The following ZEB1 variants were observed in gnomAD, a reference collection of about 807,000 sequenced individuals.
ZEB1 encodes zinc finger E-box binding homeobox 1.
In ZEB1, 21 loss-of-function variants were observed where a neutral mutation model predicts 84.9. The observed-to-expected ratio is 0.25, with a 90% confidence interval of 0.18 to 0.36. The LOEUF (loss-of-function observed/expected upper bound fraction) is 0.36, where lower values mean the gene tolerates loss of function less well. ZEB1 is among the 10% of genes least tolerant of loss of function. The probability of loss-of-function intolerance (pLI) is 1.00; values close to 1 mark genes in which losing one functional copy is unlikely to be tolerated. For missense variants in ZEB1, 1,104 were observed against 1,330.2 expected (o/e 0.83, Z 2.65); for synonymous variants, 420 against 471.1 (o/e 0.89, Z 1.41).
Position 31,461,219 on chromosome 10 carries a change from A to T in ZEB1, c.241A>T (p.Asn81Tyr), listed in dbSNP as rs1301814565. 1.9e-6 allele frequency: 3 copies of T among 1,613,004 alleles called. No individual in the cohort carries two copies. The highest frequency in any genetic ancestry group is 2.5e-6 in the Non-Finnish European group (3 of 1,179,478). The change falls in exon 2 of 9, where the codon AAC (asparagine) becomes TAC (tyrosine). Residue 81 changes from asparagine (N) to tyrosine (Y), a missense_variant. Asn to Tyr is a moderately radical substitution (Grantham distance 143). This residue lies in a region of ZEB1 where 162 missense variants were observed against 184.5 expected (regional missense o/e 0.88). Transcript: ENST00000424869. ...RSSEREGNAK[N>Y]CWEDDTGKEG... ...CAGTGAAAGAGAAGGGAATGCTAAG[A>T]ACTGCTGGGAGGATGACAGTAAGTC...
chr10:31,389,754 TTTTCA>T, intron 1 of ZEB1: 1 of 152,164 alleles, frequency 6.6e-6, no homozygotes. Context: ...GCAAAATTAG[TTTTCA>T]TTACATTTTA....
At chr10:31,438,127 G>C (rs1008411376) in intron 1 of ZEB1, among the ~76,000 whole-genome samples, 1 of 152,164 alleles carries the variant, frequency 6.6e-6, no homozygotes. Flanking sequence ...AAGTGAAAGC[G>C]TGCGCTCTCC....
intron 1 of ZEB1, among the ~76,000 whole-genome samples, chr10:31,351,519 T>C (rs2041315916): frequency 6.6e-6 from 1 of 152,156 alleles, no homozygotes; most frequent in Admixed American, 6.5e-5. Flanking sequence ...TTCCTTTTTT[T>C]CCTACCTTTT....
chr10:31,411,714 G>T (rs2054329473), intron 1 of ZEB1, among the ~76,000 whole-genome samples: 1 of 148,750 alleles, frequency 6.7e-6, no homozygotes, highest in Admixed American at 6.7e-5. Flanking sequence ...TCCCACAAGA[G>T]AAAGCAGGAA....
intron 1 of ZEB1, among the ~76,000 whole-genome samples, chr10:31,408,401 G>A (rs1162219698): frequency 6.6e-6 from 1 of 151,722 alleles, no homozygotes; most frequent in East Asian, 1.9e-4. Context: ...CTACTTTAAA[G>A]TTCATATGGA....
chr10:31,449,317 C>T (rs375703768), intron 1 of ZEB1, among the ~76,000 whole-genome samples: 1 of 152,254 alleles, frequency 6.6e-6, no homozygotes, highest in Admixed American at 6.5e-5. Flanking sequence ...CTGTCTGGCA[C>T]TCCCTAGTGA....
chr10:31,381,244 TC>T (rs1344872708), intron 1 of ZEB1, among the ~76,000 whole-genome samples: 3 of 152,060 alleles, frequency 2.0e-5, no homozygotes, highest in Non-Finnish European at 4.4e-5. Context: ...TCTAGAAAAA[TC>T]TACAGCAATC....
intron 1 of ZEB1, among the ~76,000 whole-genome samples, chr10:31,443,673 T>A (rs1359137707): frequency 2.7e-5 from 4 of 150,236 alleles, no homozygotes; most frequent in African/African-American, 5.0e-5. Flanking sequence ...TTTGGTTTTT[T>A]GTTCTTGCGA....
chr10:31,510,625 T>C, intron 4 of ZEB1, 48 bp from the exon 5 acceptor site: 1 of 1,528,164 alleles, frequency 6.5e-7, no homozygotes, highest in Non-Finnish European at 9.0e-7. Flanking sequence ...ACTTTGGTAA[T>C]ATTTTCTGAA....
intron 1 of ZEB1, among the ~76,000 whole-genome samples, chr10:31,354,716 A>T (rs887436702): frequency 6.6e-5 from 10 of 152,202 alleles, no homozygotes; most frequent in Admixed American, 2.6e-4. Flanking sequence ...TAACAGCCAG[A>T]TATTTGGTAT....
At chr10:31,437,073 C>T (rs1386459086) in intron 1 of ZEB1, among the ~76,000 whole-genome samples, 10 of 152,118 alleles carry the variant, frequency 6.6e-5, no homozygotes, top group Admixed American at 2.0e-4. Flanking sequence ...ATTTATTTAA[C>T]TTCCCAACAA....
intron 8 of ZEB1, among the ~76,000 whole-genome samples, chr10:31,525,642 C>G (rs2073290245): frequency 6.6e-6 from 1 of 152,166 alleles, no homozygotes; most frequent in African/African-American, 2.4e-5. Context: ...CCATATTTAT[C>G]TTTCATATTC....
chr10:31,434,147 T>C (rs2058037970), intron 1 of ZEB1, among the ~76,000 whole-genome samples: 1 of 152,212 alleles, frequency 6.6e-6, no homozygotes, highest in Admixed American at 6.5e-5. Flanking sequence ...TTATTAACTA[T>C]TTTGCATAAG....
chr10:31,344,706 C>T (rs898796026), intron 1 of ZEB1, among the ~76,000 whole-genome samples: 2 of 152,070 alleles, frequency 1.3e-5, no homozygotes, highest in South Asian at 4.1e-4. Flanking sequence ...AAGCTCTATT[C>T]AGTGCCTTGA....
At chr10:31,503,225 T>A (rs951140638) in intron 4 of ZEB1, among the ~76,000 whole-genome samples, 1 of 152,102 alleles carries the variant, frequency 6.6e-6, no homozygotes, top group Non-Finnish European at 1.5e-5. Flanking sequence ...TTAAACCTTT[T>A]AAAGTTTGTC....
rs147564870 is a variant in ZEB1, at chr10:31,440,413, A to C, written c.59-20624A>C. On this transcript the variant is annotated intron_variant, in intron 1 of 8. Transcript: ENST00000424869. Reference sequence around the variant, plus strand: ...GTATTGATGGGACGTATCTCAAAATAATAAGAGCTATTTATGACAAATCCA... The same window carrying C: ...GTATTGATGGGACGTATCTCAAAATCATAAGAGCTATTTATGACAAATCCA... 5.1e-3 allele frequency among the ~76,000 whole-genome samples: 782 copies of C among 152,306 alleles called. 14 individuals are homozygous for C. Among genetic ancestry groups the C allele is most frequent in the Non-Finnish European group, 6.2e-3 (424 of 68,032 alleles).
chr10:31,324,481 A>G (rs1589943100), intron 1 of ZEB1, among the ~76,000 whole-genome samples: 1 of 152,062 alleles, frequency 6.6e-6, no homozygotes, highest in Admixed American at 6.5e-5. Context: ...GTGGAATTAT[A>G]TTGTTAGCTA....
intron 1 of ZEB1, among the ~76,000 whole-genome samples, chr10:31,369,930 T>C (rs144937115): frequency 6.6e-6 from 1 of 152,324 alleles, no homozygotes; most frequent in Admixed American, 6.5e-5. Flanking sequence ...TGCATTGTGG[T>C]TTTAATTTGT....
chr10:31,498,651 T>A (rs1358562571), intron 3 of ZEB1, among the ~76,000 whole-genome samples: 9 of 152,072 alleles, frequency 5.9e-5, no homozygotes, highest in African/African-American at 1.7e-4. Context: ...AAATTTTTCA[T>A]TTTAAATGTC....
Sources: gnomAD v4.1 joint callset for allele counts (sites outside exome capture counted in the v4.1 genomes callset) on GRCh38, gnomAD v4.1.1 for gene constraint, gnomAD v4.1.1 regional missense constraint, MANE v1.5 for transcripts, NCBI Gene and HGNC (gene_info 2026-07-23, HGNC 2026-07-21) for gene names.